CKAP5: variants seen among roughly 807,000 people sequenced by gnomAD.
The protein encoded by CKAP5 is cytoskeleton associated protein 5.
A neutral mutation model predicts 232.8 loss-of-function variants in CKAP5; 27 were observed. That is an observed-to-expected ratio of 0.12 (90% CI 0.09 to 0.16). CKAP5 has a LOEUF of 0.16. CKAP5 is among the 10% of genes least tolerant of loss of function. The probability of loss-of-function intolerance (pLI) is 1.00; values close to 1 mark genes in which losing one functional copy is unlikely to be tolerated. For missense variants in CKAP5, 1,838 were observed against 2,424.7 expected, an observed-to-expected ratio of 0.76 and a Z score of 5.08; for synonymous variants, 785 against 841.1, an observed-to-expected ratio of 0.93 and a Z score of 1.16.
chr11:46,835,517 G>A (rs562413924), intron 1 of CKAP5, among the ~76,000 whole-genome samples: 9 of 151,976 alleles, frequency 5.9e-5, no homozygotes, highest in Non-Finnish European at 1.0e-4. Context: ...GCATGTCAAA[G>A]GGACACAGGA....
At position 46,773,548 on chromosome 11, in the gene CKAP5, C is replaced by CT. The variant is rs906668092; in HGVS notation, c.2992-2567dup. On this transcript the variant is annotated intron_variant, in intron 24 of 43. Transcript: ENST00000529230. Reference sequence around the variant, plus strand: ...ACAGGCGTGAGCCACTGCAACTGGACTTTTTTTTTTTTGAGATGGAATCTT... The same window carrying CT: ...ACAGGCGTGAGCCACTGCAACTGGACTTTTTTTTTTTTTGAGATGGAATCTT... 4.0e-3 allele frequency among the ~76,000 whole-genome samples: 560 copies of CT among 140,186 alleles called. 3 individuals carry two copies. Among genetic ancestry groups the CT allele is most frequent in the African/African-American group, 0.01 (390 of 38,060 alleles). 92.0% of individuals were successfully genotyped at this position (140,186 alleles called of 152,430 possible).
At chr11:46,842,175 T>C (rs1041618288) in intron 1 of CKAP5, among the ~76,000 whole-genome samples, 2 of 151,998 alleles carry the variant, frequency 1.3e-5, no homozygotes, top group South Asian at 2.1e-4. Flanking sequence ...AAGGGAAAAA[T>C]GTATGCCGGG....
In CKAP5 at chr11:46,816,275, T is replaced by C; in HGVS notation, c.381A>G (p.Glu127=). ...TATTGTCCAAGCCTTTCAGGAGCTC[T>C]TCTTGAACAGCCTCTCCTTTCTCAA... ...IEIEKGEAVQ[E]ELLKGLDNKN... The change falls in exon 4 of 44, where the codon GAA becomes GAG. Residue 127 remains glutamate (E), a synonymous_variant. Transcript: ENST00000529230. 1 of 1,614,194 alleles carries C rather than the reference T, an allele frequency of 6.2e-7. No individual in the cohort carries two copies. Among genetic ancestry groups the C allele is most frequent in the Non-Finnish European group, 8.5e-7 (1 of 1,180,024 alleles).
At chr11:46,824,969 C>T (rs1176306901) in intron 1 of CKAP5, among the ~76,000 whole-genome samples, 2 of 152,086 alleles carry the variant, frequency 1.3e-5, no homozygotes, top group African/African-American at 4.8e-5. Flanking sequence ...GATTTTATCC[C>T]AGTCTAAAAC....
intron 13 of CKAP5, among the ~76,000 whole-genome samples, chr11:46,793,662 C>T (rs905990406): frequency 1.3e-5 from 2 of 152,218 alleles, no homozygotes; most frequent in Non-Finnish European, 2.9e-5. Context: ...GTGGCTCATG[C>T]CTGTAATTCC....
At chr11:46,815,152 G>A (rs2134681065) in intron 4 of CKAP5, among the ~76,000 whole-genome samples, 1 of 152,296 alleles carries the variant, frequency 6.6e-6, no homozygotes, top group Middle Eastern at 3.4e-3. Context: ...CCAGGTTCAA[G>A]CAATTCTCCT....
At chr11:46,784,346 G>A in intron 17 of CKAP5, 142 bp downstream of exon 17, 2 of 682,582 alleles carry the variant, frequency 2.9e-6, no homozygotes, top group East Asian at 2.6e-5. Context: ...CTGGGCGACA[G>A]AGTGAAACTC....
chr11:46,762,957 A>G lies in CKAP5; in HGVS notation c.3891+19T>C, dbSNP rs759287698. On this transcript the variant is annotated intron_variant, in intron 30 of 43. Coordinates refer to ENST00000529230, the MANE Select transcript of CKAP5 (RefSeq NM_001008938.4). ...GCTGGGAACTTAAGCAGTCTCCCAGAGAGAGAACACCACATTACCTTGACG... is the reference window on the plus strand; with the variant it reads ...GCTGGGAACTTAAGCAGTCTCCCAGGGAGAGAACACCACATTACCTTGACG... 6 of 1,602,430 alleles carry G rather than the reference A, an allele frequency of 3.7e-6. 1 individual carries two copies. In the South Asian group the frequency reaches 6.6e-5, roughly 18 times the overall value.
chr11:46,804,323 T>C (rs1199131780), intron 8 of CKAP5, among the ~76,000 whole-genome samples: 1 of 152,212 alleles, frequency 6.6e-6, no homozygotes, highest in African/African-American at 2.4e-5. Context: ...AAACAAGTTA[T>C]TCTCAACAGG....
chr11:46,778,106 G>T, intron 22 of CKAP5, 33 bp downstream of exon 22: 4 of 1,571,396 alleles, frequency 2.5e-6, no homozygotes, highest in South Asian at 1.2e-5. Flanking sequence ...GTGGGGAGGG[G>T]AGATAAAAAG....
intron 1 of CKAP5, among the ~76,000 whole-genome samples, chr11:46,829,869 T>C (rs1280785213): frequency 6.6e-6 from 1 of 151,700 alleles, no homozygotes; most frequent in Non-Finnish European, 1.5e-5. Flanking sequence ...TGTGTGTGTG[T>C]GTGTGTGTGT....
chr11:46,820,405 A>T (rs554346840), intron 2 of CKAP5, among the ~76,000 whole-genome samples: 48 of 152,308 alleles, frequency 3.2e-4, no homozygotes, highest in South Asian at 1.9e-3. Flanking sequence ...GTAGAACTGT[A>T]TGTATACAAC....
chr11:46,764,353 A>G (rs2065183691), intron 28 of CKAP5, among the ~76,000 whole-genome samples: 1 of 152,208 alleles, frequency 6.6e-6, no homozygotes. Flanking sequence ...TGTAATAGTG[A>G]AAGACCAGAA....
rs1489988020 is a variant in CKAP5, at chr11:46,790,129, G to A, written c.1822C>T (p.Leu608Phe). The change falls in exon 15 of 44, where the codon CTT becomes TTT. Residue 608 changes from leucine to phenylalanine, a missense_variant. Physicochemically the swap from Leu to Phe is conservative, Grantham distance 22. Coordinates refer to ENST00000529230, the MANE Select transcript of CKAP5 (RefSeq NM_001008938.4). Reference protein sequence around the residue: ...AVLPPTCIQLLDSSNWKERLA... With the variant: ...AVLPPTCIQLFDSSNWKERLA... ...CTTTCTTTCCAGTTACTGCTGTCAA[G>A]AAGCTGTATACAGGTAGGGGGAAGA... 1.2e-6 allele frequency: 2 copies of A among 1,611,554 alleles called. No homozygotes were observed. Among genetic ancestry groups the A allele is most frequent in the Non-Finnish European group, 1.7e-6 (2 of 1,178,262 alleles).
rs780192059 is a variant in CKAP5, at chr11:46,750,659, A to G, written c.5461-48T>C. On this transcript the variant is annotated intron_variant, in intron 40 of 43. Coordinates refer to ENST00000529230, the MANE Select transcript of CKAP5 (RefSeq NM_001008938.4). ...AAGAATTGGTTAGACTTGAGTTATTAATTAGGAACTGATGGTTGGATATGA... is the reference window on the plus strand; with the variant it reads ...AAGAATTGGTTAGACTTGAGTTATTGATTAGGAACTGATGGTTGGATATGA... The G allele has an allele frequency of 3.6e-6, 5 of 1,407,630 alleles. No individual in the cohort carries two copies. In the South Asian group the frequency reaches 5.9e-5, roughly 17 times the overall value. The allele number at this position is 1,407,630 out of a possible 1,614,324, so 87.2% of individuals were successfully genotyped here.
chr11:46,781,456 C>G (rs2065341304), intron 18 of CKAP5, among the ~76,000 whole-genome samples: 1 of 152,202 alleles, frequency 6.6e-6, no homozygotes. Flanking sequence ...GCCTTCCCAA[C>G]TTATTCAAAA....
chr11:46,834,387 T>C (rs1189713385), intron 1 of CKAP5, among the ~76,000 whole-genome samples: 2 of 151,584 alleles, frequency 1.3e-5, no homozygotes, highest in Non-Finnish European at 2.9e-5. Flanking sequence ...GGCATGGTGG[T>C]ACATGCCTGC....
chr11:46,788,350 G>A (rs532065067), intron 16 of CKAP5, among the ~76,000 whole-genome samples: 3 of 152,326 alleles, frequency 2.0e-5, no homozygotes, highest in East Asian at 1.9e-4. Flanking sequence ...CAAGGCAGGC[G>A]GATCACCTGA....
At chr11:46,787,228 A>G (rs1173004939) in intron 16 of CKAP5, among the ~76,000 whole-genome samples, 1 of 152,168 alleles carries the variant, frequency 6.6e-6, no homozygotes, top group Non-Finnish European at 1.5e-5. Context: ...GCCTTTGTGG[A>G]GCTGGCCTAT....
Sources: gnomAD v4.1 joint callset for allele counts (sites outside exome capture counted in the v4.1 genomes callset) on GRCh38, gnomAD v4.1.1 for gene constraint, MANE v1.5 for transcripts, NCBI Gene and HGNC (gene_info 2026-07-23, HGNC 2026-07-21) for gene names.